PRORP: variants seen among roughly 807,000 people sequenced by gnomAD.
PRORP encodes mitochondrial ribonuclease P catalytic subunit.
PRORP carries 51 observed loss-of-function variants against 59.4 expected under a neutral mutation model. The observed-to-expected ratio is 0.86, with a 90% CI of 0.69 to 1.08. The LOEUF is 1.08. Ranked by LOEUF, PRORP falls within the 50% of genes least tolerant of loss-of-function variation. The pLI is 0.00. For missense variants in PRORP, 646 were observed against 690.3 expected (o/e 0.94, Z 0.72); for synonymous variants, 231 against 245.6 (o/e 0.94, Z 0.55).
intron 5 of PRORP, among the ~76,000 whole-genome samples, chr14:35,262,173 T>TTTA (rs1555333366): frequency 9.2e-5 from 14 of 151,644 alleles, no homozygotes; most frequent in Admixed American, 2.0e-4. Context: ...TTTTTATAAT[T>TTTA]TTATTATTAT....
In PRORP at chr14:35,175,541, C is replaced by T. The variant is rs554685638; in HGVS notation, c.1168-5129C>T. ...TGTCTGTTGGCTGAATAAATGTCTTCTTTTGAGAAGTGTCTGTTCATGTCC... is the reference window on the plus strand; with the variant it reads ...TGTCTGTTGGCTGAATAAATGTCTTTTTTTGAGAAGTGTCTGTTCATGTCC... On this transcript the variant is annotated intron_variant, in intron 4 of 7. Transcript: ENST00000534898. 2.6e-5 allele frequency among the ~76,000 whole-genome samples: 4 copies of T among 152,196 alleles called. No homozygotes were observed. In the East Asian group the frequency reaches 7.7e-4, roughly 29 times the overall value.
At chr14:35,240,455 G>A (rs1300590443) in intron 5 of PRORP, among the ~76,000 whole-genome samples, 1 of 151,518 alleles carries the variant, frequency 6.6e-6, no homozygotes, top group Admixed American at 6.6e-5. Context: ...ATAATTTCAG[G>A]GACAGCTGTG....
chr14:35,268,484 T>A (rs1418482282), intron 6 of PRORP, among the ~76,000 whole-genome samples: 4 of 152,190 alleles, frequency 2.6e-5, no homozygotes. Context: ...TTCATATTGT[T>A]TGTGCTAACA....
chr14:35,187,914 G>A (rs1188926097), intron 5 of PRORP, among the ~76,000 whole-genome samples: 1 of 149,384 alleles, frequency 6.7e-6, no homozygotes. Flanking sequence ...GCAGTGGTGC[G>A]ATCTCGGTTC....
intron 4 of PRORP, among the ~76,000 whole-genome samples, chr14:35,142,778 G>A (rs1443566309): frequency 6.9e-6 from 1 of 144,634 alleles, no homozygotes; most frequent in Admixed American, 7.2e-5. Flanking sequence ...AGGAAGCTGA[G>A]GTTGCAGTGA....
At chr14:35,230,050 C>CTTTTT (rs35309046) in intron 5 of PRORP, among the ~76,000 whole-genome samples, 6 of 109,134 alleles carry the variant, frequency 5.5e-5, no homozygotes, top group African/African-American at 1.0e-4. Context: ...ACTGTAAATT[C>CTTTTT]TTTTTTTTTT....
Position 35,127,407 on chromosome 14 carries a change from T to C in PRORP, c.1035-72T>C, listed in dbSNP as rs1026146996. On this transcript the variant is annotated intron_variant, in intron 3 of 7. Transcript: ENST00000534898. The stretch of plus-strand genomic sequence containing the variant: ...TACCTTTTAATTTCCTCATTGTTCA[T>C]TTCACAAATTTTTTTCCCCAGAACA... 38 of 1,141,782 alleles carry C rather than the reference T, an allele frequency of 3.3e-5. No individual in the cohort carries two copies. The African/African-American group carries it at 6.2e-4, about 19-fold the overall frequency. The allele number at this position is 1,141,782 out of a possible 1,614,324, so 70.7% of individuals were successfully genotyped here.
chr14:35,148,806 C>T (rs2047670942), intron 4 of PRORP, among the ~76,000 whole-genome samples: 1 of 151,624 alleles, frequency 6.6e-6, no homozygotes, highest in Non-Finnish European at 1.5e-5. Flanking sequence ...GCTGCAGCTT[C>T]TACATGAGTA....
Position 35,123,117 on chromosome 14 carries a change from A to G in PRORP, c.-129A>G, listed in dbSNP as rs781135793. The G allele has an allele frequency of 8.1e-5, 76 of 940,860 alleles. No individual in the cohort carries two copies. The highest frequency in any genetic ancestry group is 1.1e-4 in the Non-Finnish European group (71 of 634,494). 58.3% of individuals were successfully genotyped at this position (940,860 alleles called of 1,614,324 possible). On this transcript the variant is annotated 5_prime_UTR_variant, in exon 2 of 8. Transcript: ENST00000534898. Reference sequence around the variant, plus strand: ...CAGAACCTTGATTTGTCTGTAAGGAAGAAACACAAACCTTTTAAAAAGTTC... The same window carrying G: ...CAGAACCTTGATTTGTCTGTAAGGAGGAAACACAAACCTTTTAAAAAGTTC...
intron 5 of PRORP, among the ~76,000 whole-genome samples, chr14:35,181,570 A>T (rs2048607312): frequency 6.6e-6 from 1 of 152,154 alleles, no homozygotes. Flanking sequence ...GGATCATCAG[A>T]GGTCAGGTGT....
intron 4 of PRORP, 78 bp from the exon 5 acceptor site, chr14:35,180,592 T>C: frequency 1.3e-6 from 1 of 743,612 alleles, no homozygotes; most frequent in Non-Finnish European, 2.3e-6. Context: ...AAAACAATAA[T>C]AAAGGTCACT....
At position 35,193,460 on chromosome 14, in the gene PRORP, G is replaced by A. The variant is rs2048933611; in HGVS notation, c.1275+12683G>A. On this transcript the variant is annotated intron_variant, in intron 5 of 7. Transcript: ENST00000534898. The stretch of plus-strand genomic sequence containing the variant: ...AGAGGCACAAGTATTGGTCATTAAA[G>A]GTCATTTGGTAAAGTGTTTACTTGA... Among the ~76,000 whole-genome samples the A allele has an allele frequency of 2.0e-5, 3 of 152,088 alleles. No individual in the cohort carries two copies. The South Asian group carries it at 6.2e-4, about 32-fold the overall frequency.
At chr14:35,169,330 G>A (rs1326208099) in intron 4 of PRORP, among the ~76,000 whole-genome samples, 1 of 152,066 alleles carries the variant, frequency 6.6e-6, no homozygotes. Context: ...GTATATGTGT[G>A]TGTATGTGTG....
intron 4 of PRORP, among the ~76,000 whole-genome samples, chr14:35,134,967 A>C (rs750442906): frequency 6.6e-6 from 1 of 152,248 alleles, no homozygotes; most frequent in Middle Eastern, 3.4e-3. Flanking sequence ...AACCACTGGG[A>C]TGGGCAATTT....
In PRORP at chr14:35,123,615, T is replaced by G; in HGVS notation, c.370T>G (p.Trp124Gly). Residue 124 changes from tryptophan to glycine, a missense_variant, in exon 2 of 8, where the codon TGG (tryptophan) becomes GGG (glycine). Trp to Gly is a radical substitution (Grantham distance 184). Coordinates refer to ENST00000534898, the MANE Select transcript of PRORP (RefSeq NM_014672.4). The stretch of plus-strand genomic sequence containing the variant: ...AACACAACCTTTGAATTCAGAGGAG[T>G]GGGATAAACTTAAGGAAGATTTAAA... Reference protein sequence around the residue: ...LPTQPLNSEEWDKLKEDLKEN... With the variant: ...LPTQPLNSEEGDKLKEDLKEN... 8 of 1,613,802 alleles carry G rather than the reference T, an allele frequency of 5.0e-6. No homozygotes were observed. Among genetic ancestry groups the G allele is most frequent in the Non-Finnish European group, 6.8e-6 (8 of 1,179,956 alleles).
chr14:35,231,047 A>G (rs1255873003), intron 5 of PRORP, among the ~76,000 whole-genome samples: 3 of 152,048 alleles, frequency 2.0e-5, no homozygotes, highest in Non-Finnish European at 4.4e-5. Context: ...GCCTCTCGGG[A>G]GAACAGCTAG....
chr14:35,186,769 A>T (rs1210152684), intron 5 of PRORP, among the ~76,000 whole-genome samples: 1 of 151,448 alleles, frequency 6.6e-6, no homozygotes, highest in East Asian at 1.9e-4. Flanking sequence ...TTTTATTATT[A>T]TTATTATTAT....
chr14:35,234,761 C>T (rs1475890857), intron 5 of PRORP, among the ~76,000 whole-genome samples: 1 of 150,768 alleles, frequency 6.6e-6, no homozygotes, highest in Admixed American at 6.6e-5. Context: ...TTACTGTAGC[C>T]TCTGAACTCC....
Position 35,123,846 on chromosome 14 carries a change from A to C in PRORP, c.601A>C (p.Met201Leu). ...TSEVIDVFEI[M>L]KARYKTLEPR... ...TGAAGTTATTGATGTCTTTGAAATT[A>C]TGAAAGCCAGATATAAGACTTTAGA... The change falls in exon 2 of 8, where the codon ATG (methionine) becomes CTG (leucine). Residue 201 changes from methionine to leucine, a missense_variant. Physicochemically the swap from Met to Leu is conservative, Grantham distance 15 (BLOSUM62 2). Transcript: ENST00000534898. 1 of 1,614,130 alleles carries C rather than the reference A, an allele frequency of 6.2e-7. No homozygotes were observed. The highest frequency in any genetic ancestry group is 2.2e-5 in the East Asian group (1 of 44,884).
Sources: gnomAD v4.1 joint callset for allele counts (sites outside exome capture counted in the v4.1 genomes callset) on GRCh38, gnomAD v4.1.1 for gene constraint, MANE v1.5 for transcripts, NCBI Gene and HGNC (gene_info 2026-07-23, HGNC 2026-07-21) for gene names.